Variants in NEXMIF observed in about 807,000 individuals in gnomAD.
The protein encoded by NEXMIF is neurite extension and migration factor.
A neutral mutation model predicts 62.1 loss-of-function variants in NEXMIF; 8 were observed. That is an observed-to-expected ratio of 0.13 (90% CI 0.08 to 0.23). NEXMIF has a LOEUF of 0.23. NEXMIF is among the 10% of genes least tolerant of loss of function. The pLI, the probability that NEXMIF is intolerant of heterozygous loss-of-function variation, is 1.00. For missense variants in NEXMIF, 976 were observed against 1,113.3 expected (o/e 0.88, Z 1.75); for synonymous variants, 404 against 416.6 (o/e 0.97, Z 0.37).
At chrX:74,839,324 T>C (rs887339125) in intron 1 of NEXMIF, among the ~76,000 whole-genome samples, 1 of 111,857 alleles carries the variant, frequency 8.9e-6, no homozygotes, top group Non-Finnish European at 1.9e-5. Flanking sequence ...ATGAGAGAAA[T>C]ATCCCAGACC....
intron 1 of NEXMIF, among the ~76,000 whole-genome samples, chrX:74,878,574 G>A (rs1328109328): frequency 8.9e-6 from 1 of 112,570 alleles, no homozygotes; most frequent in African/African-American, 3.2e-5. Context: ...AATGGCAGGC[G>A]CCCCTCCCCC....
At chrX:74,766,731 A>C (rs1339588948) in intron 1 of NEXMIF, among the ~76,000 whole-genome samples, 1 of 112,376 alleles carries the variant, frequency 8.9e-6, no homozygotes, top group Non-Finnish European at 1.9e-5. Context: ...TTGTTATTTC[A>C]GCCAATTCAG....
intron 1 of NEXMIF, among the ~76,000 whole-genome samples, chrX:74,877,320 C>T (rs929161568): frequency 9.0e-6 from 1 of 111,547 alleles, no homozygotes; most frequent in African/African-American, 3.3e-5. Flanking sequence ...AATATTGGCC[C>T]CCACTCTCTT....
At chrX:74,815,283 G>A (rs1470749669) in intron 1 of NEXMIF, among the ~76,000 whole-genome samples, 1 of 111,784 alleles carries the variant, frequency 8.9e-6, no homozygotes, top group Non-Finnish European at 1.9e-5. Flanking sequence ...TCAAAGGAAT[G>A]GATCATGGGT....
chrX:74,884,514 A>G (rs180889593), intron 1 of NEXMIF, among the ~76,000 whole-genome samples: 49 of 111,678 alleles, frequency 4.4e-4, no homozygotes, highest in East Asian at 3.4e-3. Context: ...TGATAAAACA[A>G]ACTTTAAACC....
chrX:74,844,352 G>T (rs1189745008), intron 1 of NEXMIF, among the ~76,000 whole-genome samples: 1 of 111,475 alleles, frequency 9.0e-6, no homozygotes, highest in Non-Finnish European at 1.9e-5. Context: ...AAATTTTCAT[G>T]GATGATATTC....
chrX:74,775,017 C>A (rs2080224666), intron 1 of NEXMIF, among the ~76,000 whole-genome samples: 1 of 111,807 alleles, frequency 8.9e-6, no homozygotes, highest in Non-Finnish European at 1.9e-5. Context: ...TAAGCAGTGT[C>A]ATTCTGGCCC....
intron 1 of NEXMIF, among the ~76,000 whole-genome samples, chrX:74,883,359 G>A (rs1216434094): frequency 9.0e-6 from 1 of 110,830 alleles, no homozygotes; most frequent in Non-Finnish European, 1.9e-5. Flanking sequence ...AGCTAAAGAA[G>A]GAAGTTCGAA....
chrX:74,803,288 C>T (rs772972599), intron 1 of NEXMIF, among the ~76,000 whole-genome samples: 249 of 112,163 alleles, frequency 2.2e-3, no homozygotes, highest in Non-Finnish European at 4.0e-3. Context: ...GCCGGGCTCA[C>T]GCCTGTAATC....
chrX:74,910,107 G>C lies in NEXMIF; in HGVS notation c.-48+14776C>G, dbSNP rs565044402. Among the ~76,000 whole-genome samples the C allele has an allele frequency of 4.5e-5, 5 of 112,297 alleles. No homozygotes were observed. In the South Asian group the frequency reaches 1.9e-3, roughly 42 times the overall value. ...GTCCCTACTGGGGCACTGCCTAGTGGAGCTGTGAGAAGAGGCCCACCATCC... is the reference window on the plus strand; with the variant it reads ...GTCCCTACTGGGGCACTGCCTAGTGCAGCTGTGAGAAGAGGCCCACCATCC... On this transcript the variant is annotated intron_variant, in intron 1 of 3. Transcript: ENST00000055682.
chrX:74,878,882 C>T (rs1347603928), intron 1 of NEXMIF, among the ~76,000 whole-genome samples: 1 of 112,398 alleles, frequency 8.9e-6, no homozygotes, highest in Non-Finnish European at 1.9e-5. Context: ...GACCTGCGCC[C>T]ACTGTCTGGC....
At chrX:74,906,925 C>T (rs766892194) in intron 1 of NEXMIF, among the ~76,000 whole-genome samples, 2 of 111,529 alleles carry the variant, frequency 1.8e-5, no homozygotes, top group Admixed American at 1.9e-4. Flanking sequence ...TTCATCAACT[C>T]ACTGTCTGAT....
At chrX:74,855,977 T>C (rs1377135590) in intron 1 of NEXMIF, among the ~76,000 whole-genome samples, 1 of 112,263 alleles carries the variant, frequency 8.9e-6, no homozygotes, top group East Asian at 2.8e-4. Context: ...ATATGCTACA[T>C]TGTATTATTC....
intron 1 of NEXMIF, among the ~76,000 whole-genome samples, chrX:74,866,659 G>T (rs2080580402): frequency 8.9e-6 from 1 of 112,502 alleles, no homozygotes; most frequent in South Asian, 3.7e-4. Context: ...GACCTGGTGG[G>T]ACATAATTGA....
chrX:74,853,768 A>G (rs1202457088), intron 1 of NEXMIF, among the ~76,000 whole-genome samples: 1 of 111,723 alleles, frequency 9.0e-6, no homozygotes, highest in East Asian at 2.8e-4. Context: ...CTGATAGCAC[A>G]GAAATATAAA....
At chrX:74,796,908 G>GA (rs1193519889) in intron 1 of NEXMIF, among the ~76,000 whole-genome samples, 1 of 111,706 alleles carries the variant, frequency 9.0e-6, no homozygotes, top group Non-Finnish European at 1.9e-5. Context: ...AATGAAAAAG[G>GA]AAAAAGTAGT....
chrX:74,874,098 T>G (rs1281226730), intron 1 of NEXMIF, among the ~76,000 whole-genome samples: 4 of 107,892 alleles, frequency 3.7e-5, no homozygotes, highest in Non-Finnish European at 5.8e-5. Context: ...AATGCCTAGG[T>G]TTTCTTCTAG....
intron 1 of NEXMIF, among the ~76,000 whole-genome samples, chrX:74,760,550 G>C (rs1415513856): frequency 3.6e-5 from 4 of 111,608 alleles, no homozygotes; most frequent in African/African-American, 6.5e-5. Flanking sequence ...TTATTATTTT[G>C]AAGTATGTTC....
chrX:74,774,117 G>A (rs190887221), intron 1 of NEXMIF, among the ~76,000 whole-genome samples: 1 of 109,924 alleles, frequency 9.1e-6, no homozygotes, highest in Admixed American at 9.8e-5. Context: ...TTTTTCCAAT[G>A]CTACTTCTAA....
Sources: gnomAD v4.1 joint callset for allele counts (sites outside exome capture counted in the v4.1 genomes callset) on GRCh38, gnomAD v4.1.1 for gene constraint, MANE v1.5 for transcripts, NCBI Gene and HGNC (gene_info 2026-07-23, HGNC 2026-07-21) for gene names.